SKAP2: variants seen among roughly 807,000 people sequenced by gnomAD.
SKAP2 encodes src kinase associated phosphoprotein 2, also known as src kinase-associated phosphoprotein 2.
In SKAP2, 28 loss-of-function variants were observed where a neutral mutation model predicts 54.9. The ratio of observed to expected loss-of-function variants is 0.51; its 90% CI spans 0.38 to 0.70. SKAP2 has a LOEUF of 0.70. SKAP2 is among the 30% of genes least tolerant of loss of function. The probability of loss-of-function intolerance (pLI) is 0.00; values close to 1 mark genes in which losing one functional copy is unlikely to be tolerated. For missense variants in SKAP2, 356 were observed against 424.1 expected (o/e 0.84, Z 1.41); for synonymous variants, 137 against 134.3 (o/e 1.02, Z -0.14).
chr7:26,769,982 G>C (rs916984068), intron 4 of SKAP2, among the ~76,000 whole-genome samples: 1 of 152,200 alleles, frequency 6.6e-6, no homozygotes, highest in Non-Finnish European at 1.5e-5. Flanking sequence ...TGAGAGCTGT[G>C]CTGGGAGATC....
At chr7:26,662,921 G>A (rs1786040242), downstream of SKAP2, among the ~76,000 whole-genome samples, 1 of 152,056 alleles carries the variant, frequency 6.6e-6, no homozygotes, top group Admixed American at 6.6e-5. Context: ...AATAGCCTGA[G>A]GAGGAGGAGG....
intron 4 of SKAP2, among the ~76,000 whole-genome samples, chr7:26,763,047 G>C (rs1782967133): frequency 6.6e-6 from 1 of 152,134 alleles, no homozygotes; most frequent in Non-Finnish European, 1.5e-5. Context: ...GCATCTCACT[G>C]ACCAATTGAA....
chr7:26,675,661 A>C (rs113906279), intron 11 of SKAP2, among the ~76,000 whole-genome samples: 180 of 152,330 alleles, frequency 1.2e-3, no homozygotes, highest in Admixed American at 3.5e-3. Flanking sequence ...TTCTTAAGAA[A>C]TGTAATTTCC....
intron 4 of SKAP2, among the ~76,000 whole-genome samples, chr7:26,822,358 CATT>C (rs1784399948): frequency 1.3e-5 from 2 of 152,166 alleles, no homozygotes; most frequent in South Asian, 4.2e-4. Flanking sequence ...CAAATTTTTT[CATT>C]ATTATTATAT....
chr7:26,776,913 G>C (rs539198875), intron 4 of SKAP2, among the ~76,000 whole-genome samples: 3 of 152,140 alleles, frequency 2.0e-5, no homozygotes, highest in African/African-American at 7.2e-5. Context: ...TCTCACCTCT[G>C]GCACATCTAC....
At chr7:26,805,883 T>A (rs947960244) in intron 4 of SKAP2, among the ~76,000 whole-genome samples, 3 of 152,220 alleles carry the variant, frequency 2.0e-5, no homozygotes, top group African/African-American at 7.2e-5. Flanking sequence ...CTTCTACAAG[T>A]TGACGGTCTG....
At chr7:26,845,740 TG>T (rs1330430162) in intron 3 of SKAP2, among the ~76,000 whole-genome samples, 1 of 152,140 alleles carries the variant, frequency 6.6e-6, no homozygotes, top group African/African-American at 2.4e-5. Flanking sequence ...GACACCAGGC[TG>T]GGCAACATAG....
chr7:26,671,180 G>C (rs1786229155), intron 11 of SKAP2, among the ~76,000 whole-genome samples: 1 of 151,982 alleles, frequency 6.6e-6, no homozygotes, highest in Admixed American at 6.6e-5. Flanking sequence ...TACAAACAAA[G>C]TAAAATGAAT....
chr7:26,670,174 A>G lies in SKAP2; in HGVS notation c.1006T>C (p.Trp336Arg). Reference sequence around the variant, plus strand: ...GCTCCCTTCATTTCTCCTACCCACCAGCCATATCTATTGTATTCCTAATTG... The same window carrying G: ...GCTCCCTTCATTTCTCCTACCCACCGGCCATATCTATTGTATTCCTAATTG... ...ILSKEYNRYGWWVGEMKGAIG... is the reference protein window; with the variant it reads ...ILSKEYNRYGRWVGEMKGAIG... The change falls in exon 12 of 13, where the codon TGG becomes CGG. Residue 336 changes from tryptophan to arginine, a missense_variant. Physicochemically the swap from Trp to Arg is moderately radical, Grantham distance 101 (BLOSUM62 -3). Coordinates refer to ENST00000345317, the MANE Select transcript of SKAP2 (RefSeq NM_003930.5). The G allele has an allele frequency of 6.5e-7, 1 of 1,550,304 alleles. No individual in the cohort carries two copies. The highest frequency in any genetic ancestry group is 8.9e-7 in the Non-Finnish European group (1 of 1,122,180).
intron 4 of SKAP2, among the ~76,000 whole-genome samples, chr7:26,837,297 C>T (rs1317543377): frequency 6.6e-6 from 1 of 152,028 alleles, no homozygotes; most frequent in Non-Finnish European, 1.5e-5. Flanking sequence ...AACAAACCTG[C>T]ACGCTCTGCA....
At chr7:26,806,699 C>T (rs971879457) in intron 4 of SKAP2, among the ~76,000 whole-genome samples, 1 of 152,122 alleles carries the variant, frequency 6.6e-6, no homozygotes, top group African/African-American at 2.4e-5. Context: ...GCAAAAAAGC[C>T]TTTTTGCTGA....
intron 9 of SKAP2, among the ~76,000 whole-genome samples, chr7:26,722,705 A>G (rs1787604646): frequency 6.6e-6 from 1 of 152,110 alleles, no homozygotes; most frequent in African/African-American, 2.4e-5. Flanking sequence ...CACTGCGCCC[A>G]GCCCATTGCA....
chr7:26,807,458 T>G (rs573405282), intron 4 of SKAP2, among the ~76,000 whole-genome samples: 1 of 152,334 alleles, frequency 6.6e-6, no homozygotes, highest in East Asian at 1.9e-4. Flanking sequence ...TCCTTCCACC[T>G]TGTGAAGAAG....
rs139723561 is a variant in SKAP2 at position 26,738,957 on chromosome 7, C to T, written c.386-79G>A. The T allele has an allele frequency of 1.3e-3, 1,119 of 855,384 alleles. 12 individuals carry two copies. In the African/African-American group the frequency reaches 0.016, roughly 12 times the overall value. 53.0% of individuals were successfully genotyped at this position (855,384 alleles called of 1,614,324 possible). On this transcript the variant is annotated intron_variant, in intron 5 of 12. Coordinates refer to ENST00000345317, the MANE Select transcript of SKAP2 (RefSeq NM_003930.5). ...TTAATTAATATGATTTCTAAGATTCCTCTGAGCTCTAACATTGTGTGACTA... is the reference window on the plus strand; with the variant it reads ...TTAATTAATATGATTTCTAAGATTCTTCTGAGCTCTAACATTGTGTGACTA...
chr7:26,701,728 A>AATAAATAAATAC (rs1227575311), intron 9 of SKAP2, among the ~76,000 whole-genome samples: 46 of 107,866 alleles, frequency 4.3e-4, no homozygotes, highest in African/African-American at 1.4e-3. Flanking sequence ...TCGTCTCAAA[A>AATAAATAAATAC]ATAAATAAAT....
downstream of SKAP2, among the ~76,000 whole-genome samples, chr7:26,666,074 T>G (rs895633050): frequency 1.3e-5 from 2 of 152,114 alleles, no homozygotes; most frequent in Non-Finnish European, 2.9e-5. Flanking sequence ...TGTTTTGATC[T>G]CCACTCTTCA....
rs146102202 is a variant in SKAP2, at chr7:26,676,795, G to A, written c.988-6603C>T. 5.3e-5 allele frequency among the ~76,000 whole-genome samples: 8 copies of A among 152,310 alleles called. No individual in the cohort carries two copies. The East Asian group carries it at 1.5e-3, about 29-fold the overall frequency. Reference sequence around the variant, plus strand: ...GAATGTTAGGTAAGAGAGGGAAAAAGTTTGTAAAAAGAGAAGCAACTAATC... The same window carrying A: ...GAATGTTAGGTAAGAGAGGGAAAAAATTTGTAAAAAGAGAAGCAACTAATC... On this transcript the variant is annotated intron_variant, in intron 11 of 12. Transcript: ENST00000345317.
intron 4 of SKAP2, among the ~76,000 whole-genome samples, chr7:26,833,885 C>T (rs962018241): frequency 1.3e-5 from 2 of 152,200 alleles, no homozygotes; most frequent in Non-Finnish European, 1.5e-5. Context: ...CCCAAATCAA[C>T]AGAATATACA....
intron 6 of SKAP2, among the ~76,000 whole-genome samples, 186 bp from the exon 7 acceptor site, chr7:26,727,192 G>T (rs1015487476): frequency 1.3e-4 from 20 of 152,126 alleles, no homozygotes; most frequent in African/African-American, 3.6e-4. Flanking sequence ...TATTAGGGAT[G>T]ATTGGACTTA....
Sources: gnomAD v4.1 joint callset for allele counts (sites outside exome capture counted in the v4.1 genomes callset) on GRCh38, gnomAD v4.1.1 for gene constraint, MANE v1.5 for transcripts, NCBI Gene and HGNC (gene_info 2026-07-23, HGNC 2026-07-21) for gene names.